Variants in KCNMA1 observed in about 807,000 individuals in gnomAD.
KCNMA1 encodes potassium calcium-activated channel subfamily M alpha 1, also known as Calcium-activated potassium channel subunit alpha-1.
KCNMA1 carries 29 observed loss-of-function variants against 140.0 expected under a neutral mutation model. That is an observed-to-expected ratio of 0.21 (90% CI 0.15 to 0.28). The LOEUF (loss-of-function observed/expected upper bound fraction) is 0.28, where lower values mean the gene tolerates loss of function less well. Ranked by LOEUF, KCNMA1 falls within the 10% of genes least tolerant of loss-of-function variation. KCNMA1 has a pLI of 1.00. For missense variants in KCNMA1, 880 were observed against 1,602.2 expected, an observed-to-expected ratio of 0.55 and a Z score of 7.70; for synonymous variants, 612 against 611.9, an observed-to-expected ratio of 1.00 and a Z score of 0.00.
At chr10:77,436,982 ACACACACACACACAC>A (rs1208935169) in intron 1 of KCNMA1, among the ~76,000 whole-genome samples, 1,608 of 151,880 alleles carry the variant, frequency 0.011, 31 homozygotes, top group African/African-American at 0.037. Flanking sequence ...ACACACACAC[ACACACACACACACAC>A]TCCTTCAGCC....
intron 23 of KCNMA1, among the ~76,000 whole-genome samples, chr10:76,935,965 T>C (rs2060450791): frequency 1.3e-5 from 2 of 152,226 alleles, no homozygotes; most frequent in South Asian, 4.1e-4. Context: ...TTTCTCAGTC[T>C]CTTATTATAG....
chr10:77,104,224 C>A (rs949381048), intron 9 of KCNMA1, among the ~76,000 whole-genome samples: 1 of 152,152 alleles, frequency 6.6e-6, no homozygotes, highest in South Asian at 2.1e-4. Flanking sequence ...AGTCCTGGGG[C>A]TTTAGGCTGC....
At position 77,012,003 on chromosome 10, in the gene KCNMA1, C is replaced by T. The variant is rs1261726521; in HGVS notation, c.2056G>A (p.Asp686Asn). 6.2e-6 allele frequency: 10 copies of T among 1,613,772 alleles called. No individual in the cohort carries two copies. The highest frequency in any genetic ancestry group is 8.5e-6 in the Non-Finnish European group (10 of 1,179,916). Reference protein sequence around the residue: ...YCKACHDDITDPKRIKKCGCK... With the variant: ...YCKACHDDITNPKRIKKCGCK... ...CCACATTTTTTTATTCTTTTGGGATCTGTGATGTCATCATGACAGGCCTTG... is the reference window on the plus strand; with the variant it reads ...CCACATTTTTTTATTCTTTTGGGATTTGTGATGTCATCATGACAGGCCTTG... Residue 686 changes from aspartate (D) to asparagine (N), a missense_variant, in exon 18 of 28, where the codon GAT becomes AAT. Asp to Asn is a conservative substitution (Grantham distance 23). Around this residue, in one of 13 missense-constraint regions of KCNMA1, gnomAD observed 196 missense variants for 233.0 expected, o/e 0.84. Transcript: ENST00000286628.
intron 2 of KCNMA1, among the ~76,000 whole-genome samples, chr10:77,278,322 C>T (rs1254269572): frequency 6.6e-6 from 1 of 152,054 alleles, no homozygotes; most frequent in Non-Finnish European, 1.5e-5. Context: ...TAACCATTTC[C>T]ATATGGTTAA....
intron 4 of KCNMA1, among the ~76,000 whole-genome samples, chr10:77,184,550 T>A (rs377380408): frequency 2.0e-5 from 3 of 152,188 alleles, no homozygotes; most frequent in Admixed American, 6.6e-5. Flanking sequence ...GAACAGGGCA[T>A]TATGTGAATA....
At chr10:77,365,322 A>G (rs2094276514) in intron 2 of KCNMA1, among the ~76,000 whole-genome samples, 2 of 151,966 alleles carry the variant, frequency 1.3e-5, no homozygotes, top group Non-Finnish European at 2.9e-5. Flanking sequence ...TGCATCCTCC[A>G]CTCCCAAGCC....
chr10:77,304,756 G>A (rs2154337094), intron 2 of KCNMA1, among the ~76,000 whole-genome samples: 1 of 152,312 alleles, frequency 6.6e-6, no homozygotes, highest in Admixed American at 6.5e-5. Flanking sequence ...CAGTGGGCAG[G>A]ATTGACTTCA....
chr10:77,019,069 C>A lies in KCNMA1; in HGVS notation c.1959G>T (p.Lys653Asn), dbSNP rs1298983122. The change falls in exon 17 of 28, where the codon AAG (lysine) becomes AAT (asparagine). Residue 653 changes from lysine to asparagine, a missense_variant. Physicochemically the swap from Lys to Asn is moderately conservative, Grantham distance 94. Coordinates refer to ENST00000286628, the MANE Select transcript of KCNMA1 (RefSeq NM_001161352.2). ...RILINPGNHL[K>N]IQEGTLGFFI... ...AAAATCCTAAAGTACCTTCTTGGATCTTAAGATGGTTTCCAGGATTAATTA... is the reference window on the plus strand; with the variant it reads ...AAAATCCTAAAGTACCTTCTTGGATATTAAGATGGTTTCCAGGATTAATTA... The A allele has an allele frequency of 2.5e-6, 4 of 1,589,422 alleles. No homozygotes were observed. The highest frequency in any genetic ancestry group is 3.5e-6 in the Non-Finnish European group (4 of 1,157,856).
In KCNMA1 at chr10:77,031,226, T is replaced by C. The variant is rs574351591; in HGVS notation, c.1860-3335A>G. Reference sequence around the variant, plus strand: ...TCTGTTTGGTAAGTACAGTGTTTTTTAAAAAACTGTAAATAGATGCCAACA... The same window carrying C: ...TCTGTTTGGTAAGTACAGTGTTTTTCAAAAAACTGTAAATAGATGCCAACA... On this transcript the variant is annotated intron_variant, in intron 15 of 27. Coordinates refer to ENST00000286628, the MANE Select transcript of KCNMA1 (RefSeq NM_001161352.2). Among the ~76,000 whole-genome samples, 23 of 152,340 alleles carry C rather than the reference T, an allele frequency of 1.5e-4. 1 individual carries two copies. The South Asian group carries it at 4.8e-3, about 32-fold the overall frequency.
At chr10:77,224,035 A>C (rs2050528560) in intron 3 of KCNMA1, among the ~76,000 whole-genome samples, 1 of 152,204 alleles carries the variant, frequency 6.6e-6, no homozygotes, top group South Asian at 2.1e-4. Context: ...AGGCCAGGGA[A>C]GAGGTGCTGC....
intron 9 of KCNMA1, chr10:77,091,229 C>T (rs2096807558): frequency 6.5e-6 from 1 of 152,704 alleles, no homozygotes; most frequent in African/African-American, 2.4e-5. Context: ...CCCGGGATTT[C>T]CAGGAGAGCT....
intron 2 of KCNMA1, among the ~76,000 whole-genome samples, chr10:77,333,968 T>C (rs966038574): frequency 6.6e-6 from 1 of 152,178 alleles, no homozygotes; most frequent in Admixed American, 6.5e-5. Flanking sequence ...AATAAATGAA[T>C]AAAGAAACAT....
chr10:77,130,253 C>G (rs1297767045), intron 5 of KCNMA1, among the ~76,000 whole-genome samples: 2 of 152,146 alleles, frequency 1.3e-5, no homozygotes, highest in African/African-American at 2.4e-5. Context: ...CTGTTTTTCA[C>G]TTTCAGTACA....
chr10:76,997,220 TTC>T (rs2084670146), intron 19 of KCNMA1, among the ~76,000 whole-genome samples: 1 of 152,252 alleles, frequency 6.6e-6, no homozygotes, highest in Non-Finnish European at 1.5e-5. Flanking sequence ...CATATTGGAC[TTC>T]TCTCAGCTTA....
At chr10:77,311,215 A>G (rs1036406348) in intron 2 of KCNMA1, among the ~76,000 whole-genome samples, 5 of 152,152 alleles carry the variant, frequency 3.3e-5, no homozygotes, top group Admixed American at 3.3e-4. Flanking sequence ...TGCACAACTC[A>G]TGTTAGGGGA....
chr10:77,217,884 A>G (rs2048322457), intron 3 of KCNMA1, among the ~76,000 whole-genome samples: 1 of 152,212 alleles, frequency 6.6e-6, no homozygotes, highest in Non-Finnish European at 1.5e-5. Context: ...GATAACCACC[A>G]GGGATTCTTG....
At chr10:77,046,919 A>G (rs1415707001) in intron 14 of KCNMA1, among the ~76,000 whole-genome samples, 1 of 152,244 alleles carries the variant, frequency 6.6e-6, no homozygotes, top group Non-Finnish European at 1.5e-5. Flanking sequence ...AAAGGAAGAA[A>G]GCAGAAGAGA....
At chr10:77,229,567 T>G (rs1206868897) in intron 3 of KCNMA1, among the ~76,000 whole-genome samples, 1 of 152,112 alleles carries the variant, frequency 6.6e-6, no homozygotes, top group Admixed American at 6.5e-5. Context: ...GAAACCAAGA[T>G]TTGCAGAGAT....
At chr10:77,387,252 A>G (rs917985526) in intron 2 of KCNMA1, among the ~76,000 whole-genome samples, 7 of 152,226 alleles carry the variant, frequency 4.6e-5, no homozygotes, top group East Asian at 1.9e-4. Flanking sequence ...TGCAATATGA[A>G]AAAAGAAAAG....
Sources: gnomAD v4.1 joint callset for allele counts (sites outside exome capture counted in the v4.1 genomes callset) on GRCh38, gnomAD v4.1.1 for gene constraint, gnomAD v4.1.1 regional missense constraint, MANE v1.5 for transcripts, NCBI Gene and HGNC (gene_info 2026-07-23, HGNC 2026-07-21) for gene names.